The following ST8SIA1 variants were observed in gnomAD, a reference collection of about 807,000 sequenced individuals.
ST8SIA1 encodes the protein ST8 alpha-N-acetyl-neuraminide alpha-2,8-sialyltransferase 1, also known as alpha-N-acetylneuraminide alpha-2,8-sialyltransferase.
A neutral mutation model predicts 35.9 loss-of-function variants in ST8SIA1; 16 were observed. That is an observed-to-expected ratio of 0.45 (90% confidence interval 0.30 to 0.68). ST8SIA1 has a LOEUF of 0.68. Ranked by LOEUF, ST8SIA1 falls within the 30% of genes least tolerant of loss-of-function variation. ST8SIA1 has a pLI of 0.09. For missense variants in ST8SIA1, 383 were observed against 453.6 expected (o/e 0.84, Z 1.41); for synonymous variants, 170 against 169.6 (o/e 1.00, Z -0.02).
intron 2 of ST8SIA1, among the ~76,000 whole-genome samples, chr12:22,257,988 G>A (rs1042186995): frequency 1.3e-5 from 2 of 151,818 alleles, no homozygotes; most frequent in Non-Finnish European, 2.9e-5. Flanking sequence ...GTGACTCTTG[G>A]TCACTTTGGT....
intron 4 of ST8SIA1, among the ~76,000 whole-genome samples, chr12:22,202,273 G>T (rs557844669): frequency 1.9e-3 from 294 of 152,202 alleles, no homozygotes; most frequent in Middle Eastern, 6.8e-3. Flanking sequence ...TGTTAATGGG[G>T]CTCCCTCTAA....
intron 2 of ST8SIA1, among the ~76,000 whole-genome samples, chr12:22,275,367 C>T (rs1033673129): frequency 2.6e-5 from 4 of 152,124 alleles, no homozygotes; most frequent in Non-Finnish European, 5.9e-5. Flanking sequence ...CCAGCCTGGC[C>T]AACATGGTGA....
At chr12:22,323,752 G>A (rs992654092) in intron 1 of ST8SIA1, among the ~76,000 whole-genome samples, 1 of 152,146 alleles carries the variant, frequency 6.6e-6, no homozygotes, top group South Asian at 2.1e-4. Context: ...AAGTAACCCA[G>A]GAACAGAAAA....
chr12:22,328,535 T>C (rs1866711729), intron 1 of ST8SIA1, among the ~76,000 whole-genome samples: 1 of 152,172 alleles, frequency 6.6e-6, no homozygotes, highest in African/African-American at 2.4e-5. Flanking sequence ...ATCCTATAAA[T>C]TCCAAGAAAA....
At chr12:22,279,067 C>A (rs1472901947) in intron 2 of ST8SIA1, among the ~76,000 whole-genome samples, 1 of 152,148 alleles carries the variant, frequency 6.6e-6, no homozygotes, top group East Asian at 1.9e-4. Context: ...CAGTAAGAAC[C>A]TAAATGTTTT....
chr12:22,263,183 T>C (rs1365443574), intron 2 of ST8SIA1, among the ~76,000 whole-genome samples: 2 of 152,198 alleles, frequency 1.3e-5, no homozygotes, highest in African/African-American at 4.8e-5. Context: ...TCAACAATTA[T>C]CTAAGCAACG....
chr12:22,286,003 C>T (rs1311189594), intron 2 of ST8SIA1, among the ~76,000 whole-genome samples: 6 of 151,670 alleles, frequency 4.0e-5, no homozygotes, highest in Non-Finnish European at 7.4e-5. Flanking sequence ...AAATCTCAGA[C>T]GACTTAGGTA....
At chr12:22,282,812 C>T (rs1284119860) in intron 2 of ST8SIA1, among the ~76,000 whole-genome samples, 3 of 152,028 alleles carry the variant, frequency 2.0e-5, no homozygotes, top group Non-Finnish European at 4.4e-5. Flanking sequence ...TAGTTTCCTT[C>T]CAGCCAAAAA....
At chr12:22,263,680 C>T (rs1865816756) in intron 2 of ST8SIA1, among the ~76,000 whole-genome samples, 1 of 152,074 alleles carries the variant, frequency 6.6e-6, no homozygotes, top group Admixed American at 6.5e-5. Context: ...CCCTAGTAAT[C>T]CCCGCCAAAC....
intron 2 of ST8SIA1, among the ~76,000 whole-genome samples, chr12:22,276,901 A>G (rs1865975391): frequency 1.3e-5 from 2 of 152,086 alleles, no homozygotes; most frequent in Admixed American, 1.3e-4. Context: ...ATTCAACTGT[A>G]TCTGCAAGAC....
Position 22,195,723 on chromosome 12 carries a change from A to G in ST8SIA1, c.*5829T>C, listed in dbSNP as rs1032667485. ...GCTTCCTGCTGAACTCTCTTCTGAG[A>G]TCACTCCCAATCATCTTTTCAAATT... On this transcript the variant is annotated 3_prime_UTR_variant, in exon 5 of 5. Transcript: ENST00000396037. 7 of 152,186 alleles carry G rather than the reference A, an allele frequency of 4.6e-5. No individual in the cohort carries two copies. Among genetic ancestry groups the G allele is most frequent in the African/African-American group, 7.2e-5 (3 of 41,432 alleles). The allele number at this position is 152,186 out of a possible 1,614,324, so 9.4% of individuals were successfully genotyped here. A position where few individuals can be genotyped will look rare whatever the true frequency, so the allele number is the denominator to read the frequency against.
At chr12:22,249,166 A>C in intron 3 of ST8SIA1, 68 bp from the exon 4 acceptor site, 1 of 1,037,874 alleles carries the variant, frequency 9.6e-7, no homozygotes, top group Non-Finnish European at 1.5e-6. Context: ...AGAATAATAC[A>C]AATAGAAATG....
At chr12:22,305,217 A>G (rs1866369997) in intron 1 of ST8SIA1, among the ~76,000 whole-genome samples, 1 of 152,186 alleles carries the variant, frequency 6.6e-6, no homozygotes, top group Admixed American at 6.5e-5. Context: ...GGGCTTAAAG[A>G]AAAATAAAAG....
At chr12:22,215,283 C>T (rs1194676443) in intron 4 of ST8SIA1, among the ~76,000 whole-genome samples, 1 of 152,202 alleles carries the variant, frequency 6.6e-6, no homozygotes, top group Non-Finnish European at 1.5e-5. Flanking sequence ...TGGAAAGCCT[C>T]ATTCCACTGA....
At chr12:22,281,442 C>A (rs2135812857) in intron 2 of ST8SIA1, among the ~76,000 whole-genome samples, 1 of 152,200 alleles carries the variant, frequency 6.6e-6, no homozygotes. Context: ...AATGGCAGGG[C>A]CAATTACCTT....
intron 1 of ST8SIA1, among the ~76,000 whole-genome samples, chr12:22,306,347 T>A (rs963616851): frequency 1.3e-5 from 2 of 152,156 alleles, no homozygotes; most frequent in African/African-American, 4.8e-5. Context: ...GGTTCACACC[T>A]TATTCTTTCT....
At chr12:22,271,358 G>A (rs1013347438) in intron 2 of ST8SIA1, among the ~76,000 whole-genome samples, 4 of 152,160 alleles carry the variant, frequency 2.6e-5, no homozygotes, top group African/African-American at 9.7e-5. Context: ...CAGATGGAAC[G>A]ATAGCATATA....
At chr12:22,255,509 G>A in intron 2 of ST8SIA1, 120 bp from the exon 3 acceptor site, 1 of 844,884 alleles carries the variant, frequency 1.2e-6, no homozygotes, top group Non-Finnish European at 2.0e-6. Context: ...GCAAAAAAGA[G>A]CATGTGAAAA....
intron 2 of ST8SIA1, among the ~76,000 whole-genome samples, chr12:22,280,977 T>A (rs1366877589): frequency 6.6e-6 from 1 of 152,246 alleles, no homozygotes; most frequent in African/African-American, 2.4e-5. Context: ...ACATTCTCTG[T>A]TACTACTTTA....
Sources: allele counts gnomAD v4.1 joint callset (sites outside exome capture counted in the v4.1 genomes callset), GRCh38; gene constraint gnomAD v4.1.1; transcripts MANE v1.5; gene names NCBI Gene and HGNC (gene_info 2026-07-23, HGNC 2026-07-21).